EYS: variants seen among roughly 807,000 people sequenced by gnomAD.
EYS encodes protein eyes shut homolog.
A neutral mutation model predicts 282.1 loss-of-function variants in EYS; 250 were observed. The observed-to-expected ratio is 0.89, with a 90% CI of 0.80 to 0.98. The LOEUF (loss-of-function observed/expected upper bound fraction) is 0.98. Ranked by LOEUF, EYS falls within the 50% of genes least tolerant of loss-of-function variation. The pLI, the probability that EYS is intolerant of heterozygous loss-of-function variation, is 0.00. For synonymous variants in EYS, 1,355 were observed against 1,282.9 expected (o/e 1.06, Z -1.20); for missense variants, 4,016 against 3,709.0 (o/e 1.08, Z -2.15).
chr6:64,236,018 C>A (rs926059726), intron 30 of EYS, among the ~76,000 whole-genome samples: 1 of 152,012 alleles, frequency 6.6e-6, no homozygotes, highest in African/African-American at 2.4e-5. Context: ...GAGACACAAC[C>A]AAAAAAGAGA....
At chr6:64,774,252 T>G (rs945525594) in intron 22 of EYS, among the ~76,000 whole-genome samples, 18 of 151,974 alleles carry the variant, frequency 1.2e-4, no homozygotes, top group African/African-American at 4.3e-4. Flanking sequence ...TTTTTCAAGG[T>G]GTCTCCTCTT....
intron 28 of EYS, among the ~76,000 whole-genome samples, chr6:64,397,841 A>C (rs377435774): frequency 2.0e-5 from 3 of 151,972 alleles, no homozygotes; most frequent in East Asian, 1.9e-4. Flanking sequence ...TTTTTAATCT[A>C]ACATGCGCTT....
chr6:65,273,199 T>A (rs1320846157), intron 12 of EYS, among the ~76,000 whole-genome samples: 1 of 152,152 alleles, frequency 6.6e-6, no homozygotes, highest in African/African-American at 2.4e-5. Flanking sequence ...CCATTTAATA[T>A]TTTGGACAGT....
At chr6:65,421,194 T>A (rs746499048) in intron 5 of EYS, among the ~76,000 whole-genome samples, 2 of 151,934 alleles carry the variant, frequency 1.3e-5, no homozygotes, top group Non-Finnish European at 2.9e-5. Flanking sequence ...GCTGTTTTTT[T>A]TTCACATTGA....
intron 26 of EYS, among the ~76,000 whole-genome samples, chr6:64,449,745 C>A (rs573556831): frequency 0.01 from 1,564 of 152,270 alleles, 25 homozygotes; most frequent in Non-Finnish European, 0.012. Flanking sequence ...AATTTCATAT[C>A]CAGCCAAACT....
At chr6:65,173,072 A>C (rs1765142895) in intron 12 of EYS, among the ~76,000 whole-genome samples, 1 of 151,350 alleles carries the variant, frequency 6.6e-6, no homozygotes, top group South Asian at 2.1e-4. Context: ...TCAAGAAGAT[A>C]ATAAAGAAGA....
At chr6:64,108,066 C>T (rs1239281342) in intron 31 of EYS, among the ~76,000 whole-genome samples, 1 of 152,096 alleles carries the variant, frequency 6.6e-6, no homozygotes, top group African/African-American at 2.4e-5. Flanking sequence ...AATGCTCTGT[C>T]ATATTTCAAA....
chr6:64,512,329 G>A (rs149648234), intron 26 of EYS, among the ~76,000 whole-genome samples: 75 of 152,186 alleles, frequency 4.9e-4, no homozygotes, highest in Admixed American at 1.9e-3. Flanking sequence ...AGGAGGAGAT[G>A]TGGAAAGAAT....
At chr6:65,181,241 A>C (rs1458164555) in intron 12 of EYS, among the ~76,000 whole-genome samples, 3 of 152,158 alleles carry the variant, frequency 2.0e-5, no homozygotes, top group African/African-American at 7.2e-5. Flanking sequence ...TCTGCACAGC[A>C]AAAGAAACTA....
At chr6:63,732,049 G>A (rs1312425376) in intron 41 of EYS, among the ~76,000 whole-genome samples, 4 of 151,942 alleles carry the variant, frequency 2.6e-5, no homozygotes, top group South Asian at 4.2e-4. Flanking sequence ...GGAGGAGCTC[G>A]AATTGTATTT....
At chr6:65,335,201 T>TATTGTAG in intron 10 of EYS, 55 bp from the exon 11 acceptor site, 4 of 1,240,906 alleles carry the variant, frequency 3.2e-6, no homozygotes, top group Non-Finnish European at 4.7e-6. Context: ...TACTACAATA[T>TATTGTAG]TACAATTGTG....
chr6:64,825,096 A>G (rs1022559307), intron 19 of EYS, among the ~76,000 whole-genome samples: 1 of 151,878 alleles, frequency 6.6e-6, no homozygotes, highest in Non-Finnish European at 1.5e-5. Flanking sequence ...TATTTTCTCA[A>G]AAGTTTTAGG....
At chr6:64,576,379 A>G (rs1765881609) in intron 26 of EYS, among the ~76,000 whole-genome samples, 1 of 152,136 alleles carries the variant, frequency 6.6e-6, no homozygotes, top group African/African-American at 2.4e-5. Flanking sequence ...ACGTTAAAGA[A>G]GTGAAGTGAC....
chr6:64,121,342 T>C (rs899116624), intron 31 of EYS, among the ~76,000 whole-genome samples: 1 of 152,230 alleles, frequency 6.6e-6, no homozygotes, highest in African/African-American at 2.4e-5. Flanking sequence ...TTTGTAGAAG[T>C]ATTTCAGGAT....
In EYS at chr6:65,029,092, T is replaced by C. The variant is rs138737128; in HGVS notation, c.2137+28522A>G. Reference sequence around the variant, plus strand: ...CTGTAGAGCTGTCCCCTGTGTCCTTTTGATTTATTCTCCTTTTTCTTTGAG... The same window carrying C: ...CTGTAGAGCTGTCCCCTGTGTCCTTCTGATTTATTCTCCTTTTTCTTTGAG... On this transcript the variant is annotated intron_variant, in intron 13 of 42. Transcript: ENST00000503581. Among the ~76,000 whole-genome samples, 8 of 152,280 alleles carry C rather than the reference T, an allele frequency of 5.3e-5. No individual in the cohort carries two copies. The East Asian group carries it at 1.5e-3, about 29-fold the overall frequency.
chr6:65,332,521 C>G, intron 11 of EYS: 1 of 964,974 alleles, frequency 1.0e-6, no homozygotes, highest in Non-Finnish European at 1.6e-6. Flanking sequence ...ACAATTTTCT[C>G]ATTTTCATTG....
intron 31 of EYS, among the ~76,000 whole-genome samples, chr6:64,217,315 G>T (rs950503340): frequency 2.0e-5 from 3 of 152,204 alleles, no homozygotes; most frequent in Admixed American, 2.0e-4. Context: ...GATCACCTGA[G>T]GTCAGGAGTT....
intron 12 of EYS, among the ~76,000 whole-genome samples, chr6:65,119,339 C>A (rs1259155095): frequency 2.0e-5 from 3 of 152,160 alleles, no homozygotes; most frequent in Admixed American, 2.0e-4. Flanking sequence ...TAAAAGTCAT[C>A]ATCTTATACC....
At chr6:65,316,929 G>T (rs535365033) in intron 11 of EYS, among the ~76,000 whole-genome samples, 1 of 152,198 alleles carries the variant, frequency 6.6e-6, no homozygotes, top group East Asian at 1.9e-4. Context: ...GAACAGTGCT[G>T]CAATAAACAT....
Sources: gnomAD v4.1 joint callset for allele counts (sites outside exome capture counted in the v4.1 genomes callset) on GRCh38, gnomAD v4.1.1 for gene constraint, MANE v1.5 for transcripts, NCBI Gene and HGNC (gene_info 2026-07-23, HGNC 2026-07-21) for gene names.